SCN11A: variants seen among roughly 807,000 people sequenced by gnomAD.
The protein encoded by SCN11A is sodium voltage-gated channel alpha subunit 11.
Under a neutral mutation model 162.2 loss-of-function variants are expected in SCN11A, and 122 were observed. The ratio of observed to expected loss-of-function variants is 0.75; its 90% CI spans 0.65 to 0.87. The LOEUF (loss-of-function observed/expected upper bound fraction) is 0.87. Among genes scored for constraint, SCN11A ranks in the 40% least tolerant of loss-of-function variants. The pLI is 0.00. For missense variants in SCN11A, 2,015 were observed against 2,181.6 expected, an observed-to-expected ratio of 0.92 and a Z score of 1.52; for synonymous variants, 758 against 751.5, an observed-to-expected ratio of 1.01 and a Z score of -0.14.
At chr3:38,878,921 A>G (rs1471027553) in intron 23 of SCN11A, among the ~76,000 whole-genome samples, 1 of 152,064 alleles carries the variant, frequency 6.6e-6, no homozygotes, top group Non-Finnish European at 1.5e-5. Context: ...AACTAATTAC[A>G]TCATGATGGA....
intron 9 of SCN11A, among the ~76,000 whole-genome samples, chr3:38,923,919 T>C (rs555151955): frequency 1.3e-5 from 2 of 152,024 alleles, no homozygotes; most frequent in African/African-American, 4.8e-5. Context: ...GCTGTCGGAG[T>C]CTCAGCCAGG....
intron 2 of SCN11A, among the ~76,000 whole-genome samples, chr3:38,978,539 G>A (rs111759619): frequency 0.042 from 6,383 of 152,028 alleles, 433 homozygotes; most frequent in African/African-American, 0.14. Flanking sequence ...CCAGCTACTC[G>A]GGAGGCTGAG....
At chr3:38,932,524 T>C (rs1020518563) in intron 7 of SCN11A, among the ~76,000 whole-genome samples, 7 of 152,200 alleles carry the variant, frequency 4.6e-5, no homozygotes, top group African/African-American at 1.4e-4. Context: ...ACCCCAATAC[T>C]GCGCTTTTCC....
chr3:38,887,418 C>T (rs1270457584), intron 19 of SCN11A, among the ~76,000 whole-genome samples: 2 of 134,630 alleles, frequency 1.5e-5, no homozygotes, highest in African/African-American at 2.9e-5. Flanking sequence ...TAAAAACCCC[C>T]GCATTCCGGG....
At chr3:38,891,734 TA>T (rs1302446495) in intron 19 of SCN11A, among the ~76,000 whole-genome samples, 4 of 152,310 alleles carry the variant, frequency 2.6e-5, no homozygotes, top group Admixed American at 6.5e-5. Context: ...CTCATTCTTT[TA>T]TTAGGAACCC....
rs1184381206 is a variant in SCN11A at position 38,896,722 on chromosome 3, T to A, written c.2403+123A>T. 3 of 865,146 alleles carry A rather than the reference T, an allele frequency of 3.5e-6. No homozygotes were observed. In the African/African-American group the frequency reaches 5.3e-5, roughly 15 times the overall value. 53.6% of individuals were successfully genotyped at this position (865,146 alleles called of 1,614,324 possible). ...ACAAAATTTGAATGAATATTTCAAATATTTATTTGGCATTATATTTAGAAT... is the reference window on the plus strand; with the variant it reads ...ACAAAATTTGAATGAATATTTCAAAAATTTATTTGGCATTATATTTAGAAT... On this transcript the variant is annotated intron_variant, in intron 18 of 29. Transcript: ENST00000302328.
chr3:39,005,902 G>A lies in SCN11A; in HGVS notation c.-280+26478C>T, dbSNP rs141931140. Among the ~76,000 whole-genome samples, 736 of 151,986 alleles carry A rather than the reference G, an allele frequency of 4.8e-3. 6 individuals are homozygous for A. The highest frequency in any genetic ancestry group is 0.017 in the African/African-American group (694 of 41,436). ...GTTTTGTTTTGTTTTTCTTACCTGAGTACATACTTTAATAATTCCTTCAGA... is the reference window on the plus strand; with the variant it reads ...GTTTTGTTTTGTTTTTCTTACCTGAATACATACTTTAATAATTCCTTCAGA... On this transcript the variant is annotated intron_variant, in intron 2 of 29. Coordinates refer to ENST00000302328, the MANE Select transcript of SCN11A (RefSeq NM_001349253.2).
chr3:38,938,533 T>C (rs1559544964), intron 7 of SCN11A, among the ~76,000 whole-genome samples: 4 of 21,674 alleles, frequency 1.8e-4, no homozygotes, highest in African/African-American at 9.3e-4. Context: ...TATATATATA[T>C]ATATATATAT....
chr3:38,889,008 T>A (rs1468145590), intron 19 of SCN11A, among the ~76,000 whole-genome samples: 4 of 152,160 alleles, frequency 2.6e-5, no homozygotes, highest in Non-Finnish European at 2.9e-5. Context: ...ATTAAATTTT[T>A]TTTAATGAAA....
chr3:38,868,465 A>G (rs932740160), intron 26 of SCN11A, among the ~76,000 whole-genome samples: 4 of 152,246 alleles, frequency 2.6e-5, no homozygotes, highest in Non-Finnish European at 5.9e-5. Context: ...GTGGGCTAAT[A>G]GTCTTGCATG....
At chr3:38,927,838 G>A (rs1457253258) in intron 7 of SCN11A, among the ~76,000 whole-genome samples, 1 of 152,116 alleles carries the variant, frequency 6.6e-6, no homozygotes, top group African/African-American at 2.4e-5. Flanking sequence ...CTCCCACCAG[G>A]GCCCTCTACC....
intron 9 of SCN11A, among the ~76,000 whole-genome samples, chr3:38,924,028 G>A (rs1368232328): frequency 6.6e-6 from 1 of 152,142 alleles, no homozygotes; most frequent in African/African-American, 2.4e-5. Context: ...TGCAGGGCAG[G>A]CATGATCTTG....
chr3:39,009,091 T>C (rs1263011949), intron 2 of SCN11A, among the ~76,000 whole-genome samples: 3 of 152,086 alleles, frequency 2.0e-5, no homozygotes, highest in East Asian at 1.9e-4. Context: ...GCATGTGATA[T>C]TACAACAGAT....
chr3:38,943,329 G>A (rs367853361), intron 7 of SCN11A, among the ~76,000 whole-genome samples: 5 of 152,116 alleles, frequency 3.3e-5, no homozygotes, highest in East Asian at 1.9e-4. Flanking sequence ...AGTGGGAATC[G>A]GGGATTAACT....
intron 2 of SCN11A, among the ~76,000 whole-genome samples, chr3:39,003,697 T>C (rs954469899): frequency 3.9e-5 from 6 of 152,234 alleles, no homozygotes; most frequent in African/African-American, 1.4e-4. Context: ...ATCTGTTCTT[T>C]TTTTACTTTT....
chr3:38,966,145 A>T (rs1056759385), intron 2 of SCN11A, among the ~76,000 whole-genome samples: 1 of 152,194 alleles, frequency 6.6e-6, no homozygotes, highest in Non-Finnish European at 1.5e-5. Flanking sequence ...GAACGTTGCC[A>T]TCAAGGCTGT....
At chr3:38,988,943 T>A (rs928443828) in intron 2 of SCN11A, among the ~76,000 whole-genome samples, 1 of 152,138 alleles carries the variant, frequency 6.6e-6, no homozygotes, top group African/African-American at 2.4e-5. Context: ...TGTGGTTTTT[T>A]AAAAACAATG....
chr3:38,870,894 G>A, intron 25 of SCN11A, 150 bp from the exon 26 acceptor site: 4 of 623,310 alleles, frequency 6.4e-6, no homozygotes, highest in Non-Finnish European at 1.1e-5. Context: ...TAAAAGAACA[G>A]TAGAAGGGAA....
chr3:38,908,862 T>A (rs1224473530), intron 13 of SCN11A, 135 bp downstream of exon 13: 3 of 734,160 alleles, frequency 4.1e-6, no homozygotes, highest in African/African-American at 1.8e-5. Flanking sequence ...GGGACTTATA[T>A]TCTCAGAAAA....
Sources: allele counts gnomAD v4.1 joint callset (sites outside exome capture counted in the v4.1 genomes callset), GRCh38; gene constraint gnomAD v4.1.1; transcripts MANE v1.5; gene names NCBI Gene and HGNC (gene_info 2026-07-23, HGNC 2026-07-21).